KIAA1217: variants seen among roughly 807,000 people sequenced by gnomAD.
KIAA1217 encodes sickle tail protein homolog.
Under a neutral mutation model 163.9 loss-of-function variants are expected in KIAA1217, and 88 were observed. The observed-to-expected ratio is 0.54, with a 90% CI of 0.45 to 0.64. The LOEUF (loss-of-function observed/expected upper bound fraction) is 0.64, where lower values mean the gene tolerates loss of function less well. Among genes scored for constraint, KIAA1217 ranks in the 30% least tolerant of loss-of-function variants. KIAA1217 has a pLI of 0.00. For missense variants in KIAA1217, 2,372 were observed against 2,475.0 expected (o/e 0.96, Z 0.88); for synonymous variants, 903 against 923.1 (o/e 0.98, Z 0.39).
chr10:24,001,337 G>A (rs930346910), intron 1 of KIAA1217, among the ~76,000 whole-genome samples: 2 of 152,114 alleles, frequency 1.3e-5, no homozygotes, highest in Non-Finnish European at 2.9e-5. Flanking sequence ...TGAACTATGC[G>A]ACAAATATTA....
intron 1 of KIAA1217, among the ~76,000 whole-genome samples, chr10:23,862,720 G>A (rs895779850): frequency 6.6e-6 from 1 of 151,958 alleles, no homozygotes; most frequent in East Asian, 1.9e-4. Context: ...AAAATGGTAG[G>A]CAGGGGGCAG....
chr10:24,524,522 C>T lies in KIAA1217; in HGVS notation c.2656C>T (p.His886Tyr). The T allele has an allele frequency of 6.2e-7, 1 of 1,614,146 alleles. No individual in the cohort carries two copies. Among genetic ancestry groups the T allele is most frequent in the Non-Finnish European group, 8.5e-7 (1 of 1,180,044 alleles). Reference protein sequence around the residue: ...VVPLSGMMVRHAQSSPVVIQP... With the variant: ...VVPLSGMMVRYAQSSPVVIQP... ...GCCTTTGTCCGGCATGATGGTTCGC[C>T]ACGCGCAGAGCTCCCCTGTGGTCAT... Residue 886 changes from histidine (H) to tyrosine (Y), a missense_variant, in exon 13 of 21, where the codon CAC (histidine) becomes TAC (tyrosine). By Grantham distance (83) the His-to-Tyr change is moderately conservative (BLOSUM62 2). Coordinates refer to ENST00000376454, the MANE Select transcript of KIAA1217 (RefSeq NM_019590.5).
chr10:23,716,688 C>G (rs969488167), intron 1 of KIAA1217, among the ~76,000 whole-genome samples: 1 of 152,134 alleles, frequency 6.6e-6, no homozygotes, highest in Non-Finnish European at 1.5e-5. Context: ...AAAAGCTGGT[C>G]CACCTTACTA....
At chr10:24,062,122 TTTAG>T (rs1233451792) in intron 2 of KIAA1217, among the ~76,000 whole-genome samples, 2 of 151,980 alleles carry the variant, frequency 1.3e-5, no homozygotes, top group African/African-American at 2.4e-5. Context: ...AATTTTTTAG[TTTAG>T]TTAATGTATT....
At chr10:24,447,345 G>A (rs543689025) in intron 5 of KIAA1217, among the ~76,000 whole-genome samples, 17 of 151,792 alleles carry the variant, frequency 1.1e-4, no homozygotes, top group Admixed American at 4.6e-4. Context: ...CCATTAACTC[G>A]TCATTACATT....
At chr10:24,411,852 T>C (rs1020563837) in intron 3 of KIAA1217, among the ~76,000 whole-genome samples, 2 of 152,132 alleles carry the variant, frequency 1.3e-5, no homozygotes, top group African/African-American at 2.4e-5. Context: ...TGAAAACTTT[T>C]AGTTTTCTTT....
intron 2 of KIAA1217, among the ~76,000 whole-genome samples, chr10:24,027,657 A>T (rs1316603583): frequency 6.6e-6 from 1 of 152,166 alleles, no homozygotes; most frequent in Non-Finnish European, 1.5e-5. Context: ...GAAAAATACC[A>T]TGTTAATAGA....
At chr10:23,740,765 T>C (rs1839061572) in intron 1 of KIAA1217, among the ~76,000 whole-genome samples, 1 of 150,830 alleles carries the variant, frequency 6.6e-6, no homozygotes. Context: ...AAAGGTTGTA[T>C]GTAGGTTGAG....
In KIAA1217 at chr10:24,219,738, C is replaced by A. The variant is rs370399886; in HGVS notation, c.183C>A (p.Arg61=). The A allele has an allele frequency of 6.2e-7, 1 of 1,613,982 alleles. No homozygotes were observed. The highest frequency in any genetic ancestry group is 8.5e-7 in the Non-Finnish European group (1 of 1,179,948). The part of the protein sequence containing the change: ...NSRGSVSKSS[R]NIPRRHTLGG... Reference sequence around the variant, plus strand: ...GTGGTTCAGTTTCCAAGTCTTCCCGCAATATCCCAAGGAGACACACCCTAG... The same window carrying A: ...GTGGTTCAGTTTCCAAGTCTTCCCGAAATATCCCAAGGAGACACACCCTAG... The change falls in exon 2 of 21, where the codon CGC becomes CGA. Residue 61 remains arginine, a synonymous_variant. Transcript: ENST00000376454.
chr10:24,219,433 C>T (rs2069280013), intron 1 of KIAA1217, among the ~76,000 whole-genome samples, 193 bp from the exon 2 acceptor site: 2 of 152,132 alleles, frequency 1.3e-5, no homozygotes, highest in African/African-American at 2.4e-5. Context: ...TTCTAAAGTA[C>T]GATTTTTCAT....
chr10:24,118,927 T>C (rs2131770898), intron 2 of KIAA1217, among the ~76,000 whole-genome samples: 1 of 152,310 alleles, frequency 6.6e-6, no homozygotes. Flanking sequence ...TCAAAGTAAG[T>C]ACTTTGTCTT....
At chr10:23,838,912 T>C (rs1838627339) in intron 1 of KIAA1217, among the ~76,000 whole-genome samples, 1 of 152,244 alleles carries the variant, frequency 6.6e-6, no homozygotes, top group Non-Finnish European at 1.5e-5. Flanking sequence ...TATTATCTGC[T>C]GTTCTTGCAC....
chr10:24,276,810 A>G (rs1029917663), intron 2 of KIAA1217, among the ~76,000 whole-genome samples: 3 of 151,812 alleles, frequency 2.0e-5, no homozygotes, highest in Non-Finnish European at 4.4e-5. Flanking sequence ...GGGTTTCACC[A>G]TATTGGCCAG....
rs545471322 is a variant in KIAA1217, at chr10:23,925,382, AG to A, written c.-320-81842del. Among the ~76,000 whole-genome samples the A allele has an allele frequency of 7.2e-5, 11 of 152,258 alleles. No homozygotes were observed. The South Asian group carries it at 1.7e-3, about 23-fold the overall frequency. ...AATAAAACTCCCGGAGCTTCATTCT[AG>A]TGGAGAGACATGAAAGAAATTATAG... On this transcript the variant is annotated intron_variant, in intron 1 of 18. Transcript: ENST00000376462.
chr10:23,801,166 T>C (rs1415827231), intron 1 of KIAA1217, among the ~76,000 whole-genome samples: 1 of 152,192 alleles, frequency 6.6e-6, no homozygotes, highest in Admixed American at 6.5e-5. Flanking sequence ...TGAGTTCATG[T>C]CCTTTGCAGG....
In KIAA1217 at chr10:24,520,216, C is replaced by G. The variant is rs1036827602; in HGVS notation, c.2271C>G (p.Leu757=). The G allele has an allele frequency of 6.2e-6, 10 of 1,614,046 alleles. No homozygotes were observed. The highest frequency in any genetic ancestry group is 8.5e-6 in the Non-Finnish European group (10 of 1,180,028). The change falls in exon 11 of 21, where the codon CTC becomes CTG. Residue 757 remains leucine (L), a synonymous_variant. Transcript: ENST00000376454. ...AAGACGTGGAAGACGGGGCTTTCCTCCTGCGTCAAGTGGGAGAGGCTGTAG... is the reference window on the plus strand; with the variant it reads ...AAGACGTGGAAGACGGGGCTTTCCTGCTGCGTCAAGTGGGAGAGGCTGTAG... ...TLKDVEDGAF[L]LRQVGEAVAT... is the part of the protein sequence containing the mutation.
chr10:24,023,183 A>G (rs1847806529), intron 2 of KIAA1217, among the ~76,000 whole-genome samples: 1 of 151,750 alleles, frequency 6.6e-6, no homozygotes, highest in Non-Finnish European at 1.5e-5. Flanking sequence ...TAGAATTGGC[A>G]ATTTAGTAAA....
intron 1 of KIAA1217, among the ~76,000 whole-genome samples, chr10:23,790,760 G>A (rs919381011): frequency 6.7e-6 from 1 of 150,056 alleles, no homozygotes; most frequent in South Asian, 2.1e-4. Flanking sequence ...CTGAGACAGG[G>A]TCTCCCTCTG....
intron 1 of KIAA1217, among the ~76,000 whole-genome samples, chr10:24,000,823 C>G (rs575803137): frequency 6.6e-5 from 10 of 152,244 alleles, no homozygotes; most frequent in African/African-American, 9.6e-5. Context: ...CCAGGTCGAG[C>G]ACTGCTCGCC....
Sources: allele counts gnomAD v4.1 joint callset (sites outside exome capture counted in the v4.1 genomes callset), GRCh38; gene constraint gnomAD v4.1.1; transcripts MANE v1.5; gene names NCBI Gene and HGNC (gene_info 2026-07-23, HGNC 2026-07-21).